DPY19L1: variants seen among roughly 807,000 people sequenced by gnomAD.
DPY19L1 encodes the protein protein C-mannosyl-transferase DPY19L1.
DPY19L1 carries 35 observed loss-of-function variants against 96.9 expected under a neutral mutation model. The ratio of observed to expected loss-of-function variants is 0.36; its 90% CI spans 0.28 to 0.48. The LOEUF is 0.48. Among genes scored for constraint, DPY19L1 ranks in the 20% least tolerant of loss-of-function variants. The pLI is 0.99. For synonymous variants in DPY19L1, 205 were observed against 252.6 expected, an observed-to-expected ratio of 0.81 and a Z score of 1.79; for missense variants, 521 against 777.9, an observed-to-expected ratio of 0.67 and a Z score of 3.93.
intron 1 of DPY19L1, among the ~76,000 whole-genome samples, chr7:35,023,376 C>T (rs1422718242): frequency 6.6e-6 from 1 of 152,172 alleles, no homozygotes; most frequent in South Asian, 2.1e-4. Flanking sequence ...CCCCAAGGTG[C>T]GAGGGCGCCA....
chr7:34,982,805 T>C lies in DPY19L1; in HGVS notation c.822+7079A>G, dbSNP rs192557372. ...ACACACAGACATACACACACATGAA[T>C]CTGGCAGATAAAGAGGAGTGGGGGA... On this transcript the variant is annotated intron_variant, in intron 7 of 21. Transcript: ENST00000638088. Among the ~76,000 whole-genome samples, 61 of 152,208 alleles carry C rather than the reference T, an allele frequency of 4.0e-4. 1 individual carries two copies. The highest frequency in any genetic ancestry group is 1.3e-3 in the African/African-American group (53 of 41,552).
At chr7:34,974,251 T>C (rs1457573819) in intron 7 of DPY19L1, among the ~76,000 whole-genome samples, 1 of 152,212 alleles carries the variant, frequency 6.6e-6, no homozygotes, top group African/African-American at 2.4e-5. Flanking sequence ...TTACTGTATA[T>C]AGACTAAACA....
At chr7:34,934,412 T>C (rs1403420321) in intron 21 of DPY19L1, among the ~76,000 whole-genome samples, 2 of 152,222 alleles carry the variant, frequency 1.3e-5, no homozygotes, top group Non-Finnish European at 2.9e-5. Flanking sequence ...TCTATTCTAC[T>C]GTTTTTAAAA....
rs1413092218 is a variant in DPY19L1, at chr7:34,931,745, T to C, written c.2091-16A>G. On this transcript the variant is annotated splice_polypyrimidine_tract_variant and intron_variant, in intron 21 of 21. Transcript: ENST00000638088. ...GCAACCAGGCCTAGAAAAATGAATG[T>C]ACATGTTAAAAATCAATATGCATTA... The C allele has an allele frequency of 4.4e-6, 7 of 1,573,784 alleles. No homozygotes were observed. In the African/African-American group the frequency reaches 6.8e-5, roughly 15 times the overall value.
chr7:35,010,365 T>C (rs2128677893), intron 6 of DPY19L1, 103 bp downstream of exon 6: 1 of 685,240 alleles, frequency 1.5e-6, no homozygotes, highest in East Asian at 2.9e-5. Context: ...TATTTTAGGA[T>C]ATTTTCATAA....
At chr7:34,939,768 T>C (rs564314246) in intron 19 of DPY19L1, among the ~76,000 whole-genome samples, 491 of 152,350 alleles carry the variant, frequency 3.2e-3, no homozygotes, top group African/African-American at 0.011. Context: ...AAAGTCTCCC[T>C]TTCCACACAT....
chr7:35,017,849 A>C, intron 3 of DPY19L1, 33 bp downstream of exon 3: 1 of 1,457,654 alleles, frequency 6.9e-7, no homozygotes, highest in South Asian at 1.2e-5. Flanking sequence ...AAATTCCTAA[A>C]GTACTATGAT....
chr7:34,985,259 G>C (rs540098644), intron 7 of DPY19L1, among the ~76,000 whole-genome samples: 14 of 152,220 alleles, frequency 9.2e-5, no homozygotes, highest in African/African-American at 3.1e-4. Context: ...CCACAATATT[G>C]ATCTGGGCAA....
Position 35,037,345 on chromosome 7 carries a change from G to C in DPY19L1, c.50C>G (p.Pro17Arg). 1 of 358,746 alleles carries C rather than the reference G, an allele frequency of 2.8e-6. No homozygotes were observed. The allele number at this position is 358,746 out of a possible 1,614,324, so 22.2% of individuals were successfully genotyped here. Reference sequence around the variant, plus strand: ...CGACTGTGAGGCGCGGGGTGGCTGGGGCGGCTTGGGAGCCGCCTCCCGGTG... The same window carrying C: ...CGACTGTGAGGCGCGGGGTGGCTGGCGCGGCTTGGGAGCCGCCTCCCGGTG... The part of the protein sequence containing the change: ...NKHREAAPKP[P>R]QPPRASQSPL... The change falls in exon 1 of 22, where the codon CCC (proline) becomes CGC (arginine). Residue 17 changes from proline to arginine, a missense_variant. By Grantham distance (103) the Pro-to-Arg change is moderately radical. Transcript: ENST00000638088.
chr7:35,037,805 C>G (rs1786482727), upstream of DPY19L1: 1 of 1,221,198 alleles, frequency 8.2e-7, no homozygotes, highest in Non-Finnish European at 1.0e-6. Context: ...CTCTGGCGCC[C>G]GGCTACCCAC....
intron 10 of DPY19L1, among the ~76,000 whole-genome samples, chr7:34,958,306 A>G (rs979074239): frequency 2.6e-5 from 4 of 152,192 alleles, no homozygotes; most frequent in African/African-American, 9.7e-5. Context: ...ATTTTGTAAA[A>G]CCACAAATGG....
Position 34,958,028 on chromosome 7 carries a change from T to C in DPY19L1, c.1135A>G (p.Met379Val), listed in dbSNP as rs370260184. ...GAAGCATAATAAGAAGTTAATAACATTGAGTTCCCAAACATCAAAACAAAA... is the reference window on the plus strand; with the variant it reads ...GAAGCATAATAAGAAGTTAATAACACTGAGTTCCCAAACATCAAAACAAAA... Reference protein sequence around the residue: ...LCFVLMFGNSMLLTSYYASSL... With the variant: ...LCFVLMFGNSVLLTSYYASSL... The change falls in exon 11 of 22, where the codon ATG (methionine) becomes GTG (valine). Residue 379 changes from methionine (M) to valine (V), a missense_variant. Coordinates refer to ENST00000638088, the MANE Select transcript of DPY19L1 (RefSeq NM_001366673.1). 36 of 1,587,002 alleles carry C rather than the reference T, an allele frequency of 2.3e-5. 1 individual carries two copies. Among genetic ancestry groups the C allele is most frequent in the South Asian group, 4.7e-5 (4 of 84,936 alleles).
chr7:34,966,923 T>C lies in DPY19L1; in HGVS notation c.1063A>G (p.Lys355Glu). ...VYVVGYIDIC[K>E]LRKIIYIHMI... Reference sequence around the variant, plus strand: ...TGTATATAAATGATCTTCCGTAATTTACATATATCAATGTACCCGACAACA... The same window carrying C: ...TGTATATAAATGATCTTCCGTAATTCACATATATCAATGTACCCGACAACA... Residue 355 changes from lysine to glutamate, a missense_variant, in exon 10 of 22, where the codon AAA becomes GAA. By Grantham distance (56) the Lys-to-Glu change is moderately conservative (BLOSUM62 1). Coordinates refer to ENST00000638088, the MANE Select transcript of DPY19L1 (RefSeq NM_001366673.1). 6.5e-7 allele frequency: 1 copy of C among 1,543,306 alleles called. No individual in the cohort carries two copies. Among genetic ancestry groups the C allele is most frequent in the Admixed American group, 2.1e-5 (1 of 46,692 alleles).
At chr7:34,941,134 T>G (rs748984104) in intron 18 of DPY19L1, among the ~76,000 whole-genome samples, 2 of 152,108 alleles carry the variant, frequency 1.3e-5, no homozygotes, top group South Asian at 4.1e-4. Flanking sequence ...CTCTCCTCCA[T>G]CCCTAGAGTG....
At chr7:34,957,121 G>A (rs1363581480) in intron 11 of DPY19L1, among the ~76,000 whole-genome samples, 7 of 152,088 alleles carry the variant, frequency 4.6e-5, no homozygotes, top group Non-Finnish European at 7.4e-5. Flanking sequence ...GGTGGCTCAC[G>A]CCTGTAATCC....
chr7:34,965,556 G>C (rs546007016), intron 10 of DPY19L1, among the ~76,000 whole-genome samples: 1 of 152,210 alleles, frequency 6.6e-6, no homozygotes, highest in African/African-American at 2.4e-5. Context: ...GGGCATACAG[G>C]ACTTAAAAGT....
intron 7 of DPY19L1, among the ~76,000 whole-genome samples, chr7:34,985,911 T>C (rs776474048): frequency 6.6e-6 from 1 of 151,906 alleles, no homozygotes; most frequent in Non-Finnish European, 1.5e-5. Context: ...CAACCCTAAG[T>C]GTCCATAAAG....
At chr7:34,983,406 T>C (rs536517115) in intron 7 of DPY19L1, among the ~76,000 whole-genome samples, 6 of 151,724 alleles carry the variant, frequency 4.0e-5, no homozygotes, top group African/African-American at 9.7e-5. Flanking sequence ...TAGAAAAATA[T>C]TAGTGAGATG....
intron 7 of DPY19L1, among the ~76,000 whole-genome samples, chr7:34,977,442 G>A (rs771610309): frequency 6.6e-6 from 1 of 152,168 alleles, no homozygotes; most frequent in Non-Finnish European, 1.5e-5. Flanking sequence ...CACCAAAACT[G>A]AATTATATCC....
Sources: gnomAD v4.1 joint callset for allele counts (sites outside exome capture counted in the v4.1 genomes callset) on GRCh38, gnomAD v4.1.1 for gene constraint, MANE v1.5 for transcripts, NCBI Gene and HGNC (gene_info 2026-07-23, HGNC 2026-07-21) for gene names.